Variants in ZNF35 observed in about 807,000 individuals in gnomAD.
ZNF35 encodes the protein zinc finger protein 35.
ZNF35 carries 31 observed loss-of-function variants against 45.9 expected under a neutral mutation model. The observed-to-expected ratio is 0.68, with a 90% CI of 0.51 to 0.91. ZNF35 has a LOEUF of 0.91. ZNF35 is among the 40% of genes least tolerant of loss of function. ZNF35 has a pLI of 0.00. For missense variants in ZNF35, 515 were observed against 625.4 expected (o/e 0.82, Z 1.88); for synonymous variants, 205 against 220.2 (o/e 0.93, Z 0.61).
At chr3:44,649,319 A>G (rs1474479082) in intron 1 of ZNF35, among the ~76,000 whole-genome samples, 4 of 152,346 alleles carry the variant, frequency 2.6e-5, no homozygotes, top group Non-Finnish European at 2.9e-5. Context: ...GTCCTCCAGA[A>G]TTAAGGTTTG....
intron 3 of ZNF35, among the ~76,000 whole-genome samples, chr3:44,655,042 G>A (rs2125841655): frequency 6.6e-6 from 1 of 152,246 alleles, no homozygotes; most frequent in African/African-American, 2.4e-5. Flanking sequence ...GCTGAAGCAG[G>A]AGAATCGCTT....
At chr3:44,654,643 G>A (rs990999242) in intron 3 of ZNF35, among the ~76,000 whole-genome samples, 7 of 152,084 alleles carry the variant, frequency 4.6e-5, no homozygotes, top group African/African-American at 1.7e-4. Context: ...GTCTGAGCAA[G>A]TTTTAACTGT....
chr3:44,660,081 C>A lies in ZNF35; in HGVS notation c.*134C>A. 1 of 920,918 alleles carries A rather than the reference C, an allele frequency of 1.1e-6. No individual in the cohort carries two copies. The highest frequency in any genetic ancestry group is 1.5e-6 in the Non-Finnish European group (1 of 654,360). 57.0% of individuals were successfully genotyped at this position (920,918 alleles called of 1,614,324 possible). A position where few individuals can be genotyped will look rare whatever the true frequency, so the allele number is the denominator to read the frequency against. On this transcript the variant is annotated 3_prime_UTR_variant, in exon 4 of 4. Coordinates refer to ENST00000396056, the MANE Select transcript of ZNF35 (RefSeq NM_003420.4). ...TTAAAAGTTATAGTTTTCAGGAATG[C>A]AGCAGAAGACACAAGAAAAGCATTT...
chr3:44,654,702 A>G (rs1703265731), intron 3 of ZNF35, among the ~76,000 whole-genome samples: 1 of 152,224 alleles, frequency 6.6e-6, no homozygotes, highest in African/African-American at 2.4e-5. Context: ...TTATTCATTT[A>G]AAAACCAATT....
rs1186321683 is a variant in ZNF35, at chr3:44,660,124, CA to C, written c.*182del. The C allele has an allele frequency of 4.7e-6, 3 of 631,828 alleles. No homozygotes were observed. The African/African-American group carries it at 5.5e-5, about 12-fold the overall frequency. 39.1% of individuals were successfully genotyped at this position (631,828 alleles called of 1,614,324 possible). ...AAGCATTTCAGAGGCTAATTTAAAA[CA>C]AAAAGTAAGCACCTAAAGGCAAGGA... On this transcript the variant is annotated 3_prime_UTR_variant, in exon 4 of 4. Coordinates refer to ENST00000396056, the MANE Select transcript of ZNF35 (RefSeq NM_003420.4).
Position 44,659,121 on chromosome 3 carries a change from A to T in ZNF35, c.758A>T (p.His253Leu). Residue 253 changes from histidine to leucine, a missense_variant, in exon 4 of 4, where the codon CAT (histidine) becomes CTT (leucine). By Grantham distance (99) the His-to-Leu change is moderately conservative. This residue lies in a region of ZNF35 where 275 missense variants were observed against 295.7 expected (regional missense o/e 0.93). Coordinates refer to ENST00000396056, the MANE Select transcript of ZNF35 (RefSeq NM_003420.4). This position sits in a 1 kb window ranked among gnomAD's most constrained non-coding sequence, Gnocchi z 4.3. ...IHTGEKPFEC[H>L]ECGKAFIQSA... ...ACTGGAGAGAAACCCTTTGAATGTC[A>T]TGAGTGTGGGAAGGCCTTCATTCAG... The T allele has an allele frequency of 6.2e-7, 1 of 1,614,086 alleles. No individual in the cohort carries two copies.
intron 1 of ZNF35, 47 bp from the exon 2 acceptor site, chr3:44,650,894 T>C (rs1400363832): frequency 1.6e-6 from 1 of 619,416 alleles, no homozygotes; most frequent in African/African-American, 1.9e-5. Flanking sequence ...CTAAGTGGCA[T>C]CCAGCAAATC....
chr3:44,656,703 T>C (rs1422319292), intron 3 of ZNF35, among the ~76,000 whole-genome samples: 1 of 149,756 alleles, frequency 6.7e-6, no homozygotes. Flanking sequence ...TTTTTTTTTT[T>C]CTTTGAGATA....
In ZNF35 at chr3:44,659,537, T is replaced by C; in HGVS notation, c.1174T>C (p.Cys392Arg). 6.2e-7 allele frequency: 1 copy of C among 1,614,014 alleles called. No homozygotes were observed. Among genetic ancestry groups the C allele is most frequent in the East Asian group, 2.2e-5 (1 of 44,822 alleles). The change falls in exon 4 of 4, where the codon TGT becomes CGT. Residue 392 changes from cysteine (C) to arginine (R), a missense_variant. Transcript: ENST00000396056. The surrounding 1 kb of genome is among the most constrained non-coding windows in gnomAD (Gnocchi z 4.3). ...CCATACTGGTGAGAAGCCATATGAGTGTAAAGAGTGTGGGAAAGCCTTTAG... is the reference window on the plus strand; with the variant it reads ...CCATACTGGTGAGAAGCCATATGAGCGTAAAGAGTGTGGGAAAGCCTTTAG... ...RSHTGEKPYE[C>R]KECGKAFSCF...
upstream of ZNF35, chr3:44,648,374 T>G (rs1703084863): frequency 6.6e-6 from 1 of 152,230 alleles, no homozygotes; most frequent in African/African-American, 2.4e-5. Flanking sequence ...AAATGTTCAT[T>G]GTTGAGTCCA....
At position 44,658,778 on chromosome 3, in the gene ZNF35, TCAGAAAGAATC is replaced by T; in HGVS notation, c.423_433del (p.Arg141SerfsTer2). 1 of 1,607,822 alleles carries T rather than the reference TCAGAAAGAATC, an allele frequency of 6.2e-7. No individual in the cohort carries two copies. On this transcript the variant is annotated frameshift_variant, in exon 4 of 4. Transcript: ENST00000396056. LOFTEE classifies it high-confidence loss of function. ...GGAAGCTGAAAAACCCCTCATCATA[TCAGAAAGAATC>T]CAGAAAGCTGATCCTCAAGGACCTG...
At chr3:44,653,937 A>G (rs755428127) in intron 3 of ZNF35, among the ~76,000 whole-genome samples, 5 of 152,164 alleles carry the variant, frequency 3.3e-5, no homozygotes, top group Non-Finnish European at 5.9e-5. Context: ...GCATCTGGGG[A>G]CCAAGTCACT....
At chr3:44,647,637 G>GAT (rs1282611333), upstream of ZNF35, 2 of 152,080 alleles carry the variant, frequency 1.3e-5, no homozygotes, top group African/African-American at 4.8e-5. Flanking sequence ...TTGACTTATT[G>GAT]ATATCCATAA....
rs750012808 is a variant in ZNF35 at position 44,649,943 on chromosome 3, C to T, written c.-127-998C>T. On this transcript the variant is annotated intron_variant, in intron 1 of 3. Coordinates refer to ENST00000396056, the MANE Select transcript of ZNF35 (RefSeq NM_003420.4). ...TTAAAAAACAATGCAGGTTGCTGAA[C>T]AGTATATAACTGTGATGATCTAAAG... Among the ~76,000 whole-genome samples, 189 of 152,148 alleles carry T rather than the reference C, an allele frequency of 1.2e-3. 1 individual carries two copies. The highest frequency in any genetic ancestry group is 1.4e-3 in the Non-Finnish European group (94 of 68,006).
Position 44,652,300 on chromosome 3 carries a change from T to C in ZNF35, c.193-257T>C, listed in dbSNP as rs941961949. On this transcript the variant is annotated intron_variant, in intron 2 of 3. Transcript: ENST00000396056. ...TCCCATATGCTCTCTCCTCTTATCA[T>C]GTACTCACTGGTAAGCTAGGTTTAG... is the stretch of plus-strand genomic sequence containing the variant. 2.0e-5 allele frequency among the ~76,000 whole-genome samples: 3 copies of C among 152,194 alleles called. 1 individual carries two copies. The highest frequency in any genetic ancestry group is 2.0e-4 in the Admixed American group (3 of 15,286).
chr3:44,646,704 TC>T (rs1296258127), upstream of ZNF35: 2 of 558,408 alleles, frequency 3.6e-6, no homozygotes, highest in Non-Finnish European at 6.4e-6. Flanking sequence ...TATGAAAATT[TC>T]GATATGAAAG....
upstream of ZNF35, chr3:44,646,854 C>T (rs1170406648): frequency 1.1e-5 from 3 of 261,466 alleles, no homozygotes; most frequent in Non-Finnish European, 2.2e-5. Flanking sequence ...GAGGAGGGAT[C>T]GCCTTTTCAG....
In ZNF35 at chr3:44,659,467, C is replaced by G; in HGVS notation, c.1104C>G (p.Gly368=). The change falls in exon 4 of 4, where the codon GGC becomes GGG. Residue 368 remains glycine, a synonymous_variant. Coordinates refer to ENST00000396056, the MANE Select transcript of ZNF35 (RefSeq NM_003420.4). This position sits in a 1 kb window ranked among gnomAD's most constrained non-coding sequence, Gnocchi z 4.3. ...GEKPFACNDC[G]KAFTQSANLI... ...AGCCCTTTGCCTGTAACGACTGTGG[C>G]AAAGCCTTTACCCAGAGTGCAAATC... is the stretch of plus-strand genomic sequence containing the variant. 1 of 1,611,826 alleles carries G rather than the reference C, an allele frequency of 6.2e-7. No homozygotes were observed. The highest frequency in any genetic ancestry group is 8.5e-7 in the Non-Finnish European group (1 of 1,179,220).
At chr3:44,655,415 T>TA (rs35965367) in intron 3 of ZNF35, among the ~76,000 whole-genome samples, 43,908 of 145,772 alleles carry the variant, frequency 0.3, 6,953 homozygotes, top group African/African-American at 0.36. Context: ...CAGCTATCTT[T>TA]AAAAAAAAAA....
Sources: gnomAD v4.1 joint callset for allele counts (sites outside exome capture counted in the v4.1 genomes callset) on GRCh38, gnomAD v4.1.1 for gene constraint, gnomAD v4.1.1 regional missense constraint, Gnocchi (gnomAD v3.1) non-coding constraint, MANE v1.5 for transcripts, NCBI Gene and HGNC (gene_info 2026-07-23, HGNC 2026-07-21) for gene names.